ORC6: variants seen among roughly 807,000 people sequenced by gnomAD.
ORC6 encodes the protein origin recognition complex, subunit 6 homolog-like (yeast).
A neutral mutation model predicts 30.0 loss-of-function variants in ORC6; 31 were observed. That is an observed-to-expected ratio of 1.03 (90% CI 0.78 to 1.40). The LOEUF (loss-of-function observed/expected upper bound fraction) is 1.40. Among genes scored for constraint, ORC6 ranks in the 40% most tolerant of loss-of-function variants. ORC6 has a pLI of 0.00. For synonymous variants in ORC6, 136 were observed against 111.2 expected (o/e 1.22, Z -1.40); for missense variants, 340 against 304.3 (o/e 1.12, Z -0.87).
intron 2 of ORC6, among the ~76,000 whole-genome samples, chr16:46,691,958 A>ACACTCT: frequency 1.1e-4 from 4 of 36,664 alleles, no homozygotes; most frequent in Admixed American, 4.0e-4. Context: ...ACACACACAC[A>ACACTCT]CTCTCTCTCT....
chr16:46,696,955 A>T (rs1043990006), intron 6 of ORC6, among the ~76,000 whole-genome samples: 1 of 152,104 alleles, frequency 6.6e-6, no homozygotes, highest in Non-Finnish European at 1.5e-5. Flanking sequence ...ATGCCCAACC[A>T]CTGGCTATGG....
chr16:46,693,411 A>G, intron 4 of ORC6: 1 of 575,328 alleles, frequency 1.7e-6, no homozygotes, highest in Non-Finnish European at 3.1e-6. Flanking sequence ...CTGTATATAT[A>G]TGCTGGGAAT....
intron 1 of ORC6, 118 bp downstream of exon 1, chr16:46,689,888 G>T: frequency 7.0e-7 from 1 of 1,422,392 alleles, no homozygotes; most frequent in Non-Finnish European, 9.2e-7. Flanking sequence ...GAGCGCTGGG[G>T]CCGGGCGGGG....
chr16:46,689,690 C>T lies in ORC6; in HGVS notation c.-16C>T, dbSNP rs778897686. 2 of 1,597,140 alleles carry T rather than the reference C, an allele frequency of 1.3e-6. No individual in the cohort carries two copies. The highest frequency in any genetic ancestry group is 1.3e-5 in the African/African-American group (1 of 74,808). Reference sequence around the variant, plus strand: ...CCGCGGCGTTCACGGGAATTGTTCGCTTTAGTGCCGGCGCCATGGGGTCGG... The same window carrying T: ...CCGCGGCGTTCACGGGAATTGTTCGTTTTAGTGCCGGCGCCATGGGGTCGG... On this transcript the variant is annotated 5_prime_UTR_variant, in exon 1 of 7. Transcript: ENST00000219097.
At chr16:46,697,374 A>T in intron 6 of ORC6, 84 bp from the exon 7 acceptor site, 2 of 1,250,280 alleles carry the variant, frequency 1.6e-6, no homozygotes, top group Non-Finnish European at 2.3e-6. Flanking sequence ...TTTCTATTTT[A>T]GACAATTTAA....
At position 46,697,552 on chromosome 16, in the gene ORC6, T is replaced by C. The variant is rs763001000; in HGVS notation, c.726T>C (p.Asn242=). Residue 242 remains asparagine (N), a synonymous_variant, in exon 7 of 7, where the codon AAT becomes AAC. Coordinates refer to ENST00000219097, the MANE Select transcript of ORC6 (RefSeq NM_014321.4). ...AATGGAAAAGAAAAATTTTGGAAAA[T>C]GCTGCCAGTGCTCAAAAGGCTACAG... is the stretch of plus-strand genomic sequence containing the variant. ...YEEWKRKILE[N]AASAQKATAE is the part of the protein sequence containing the mutation. 4 of 1,613,974 alleles carry C rather than the reference T, an allele frequency of 2.5e-6. No individual in the cohort carries two copies. Among genetic ancestry groups the C allele is most frequent in the Non-Finnish European group, 3.4e-6 (4 of 1,179,972 alleles).
intron 3 of ORC6, among the ~76,000 whole-genome samples, chr16:46,692,889 T>TGG (rs11379295): frequency 1.1e-3 from 172 of 151,582 alleles, no homozygotes; most frequent in East Asian, 7.6e-3. Context: ...GCGGTGGCGG[T>TGG]GGGGGGGACC....
intron 6 of ORC6, 71 bp downstream of exon 6, chr16:46,696,156 T>A (rs781606656): frequency 4.6e-6 from 5 of 1,094,406 alleles, no homozygotes; most frequent in Non-Finnish European, 7.0e-6. Context: ...CTCTAGCAGC[T>A]TGCCTGACAG....
intron 4 of ORC6, chr16:46,693,840 AT>A (rs1966482211): frequency 7.2e-5 from 2 of 27,778 alleles, no homozygotes; most frequent in Admixed American, 3.8e-4. Context: ...CATTTTTTTT[AT>A]TTTTATTTTT....
At chr16:46,696,542 T>A (rs1206802565) in intron 6 of ORC6, among the ~76,000 whole-genome samples, 3 of 152,250 alleles carry the variant, frequency 2.0e-5, no homozygotes, top group Non-Finnish European at 4.4e-5. Context: ...AGTTTGCTTA[T>A]AAGAGCTTTA....
At position 46,693,155 on chromosome 16, in the gene ORC6, C is replaced by T. The variant is rs1426951699; in HGVS notation, c.422C>T (p.Thr141Ile). 1 of 1,612,758 alleles carries T rather than the reference C, an allele frequency of 6.2e-7. No individual in the cohort carries two copies. Among genetic ancestry groups the T allele is most frequent in the South Asian group, 1.1e-5 (1 of 91,064 alleles). ...CTTGACTTATCCAGGCCACTTTTCA[C>T]TTCTGCTGCACTGCTTTCAGCATGC... ...VDLDLSRPLF[T>I]SAALLSACKI... The change falls in exon 4 of 7, where the codon ACT (threonine) becomes ATT (isoleucine). Residue 141 changes from threonine to isoleucine, a missense_variant. By Grantham distance (89) the Thr-to-Ile change is moderately conservative. Coordinates refer to ENST00000219097, the MANE Select transcript of ORC6 (RefSeq NM_014321.4).
At chr16:46,690,615 A>G (rs961368737) in intron 1 of ORC6, among the ~76,000 whole-genome samples, 3 of 152,214 alleles carry the variant, frequency 2.0e-5, no homozygotes, top group African/African-American at 4.8e-5. Context: ...CAAGTCCCCA[A>G]GGTGATTTTC....
chr16:46,697,139 T>C (rs770454311), intron 6 of ORC6, among the ~76,000 whole-genome samples: 1 of 152,176 alleles, frequency 6.6e-6, no homozygotes, highest in Non-Finnish European at 1.5e-5. Context: ...TTAGCTATTA[T>C]TAGATGTCTT....
Position 46,698,037 on chromosome 16 carries a change from C to A in ORC6, c.*452C>A, listed in dbSNP as rs768042955. The A allele has an allele frequency of 7.3e-6, 3 of 409,248 alleles. No homozygotes were observed. Among genetic ancestry groups the A allele is most frequent in the African/African-American group, 2.0e-5 (1 of 48,862 alleles). The allele number at this position is 409,248 out of a possible 1,614,324, so 25.4% of individuals were successfully genotyped here. Reference sequence around the variant, plus strand: ...GGCTGAGACAGGAGCATCACTTGAACGTGGGAGGCAGAGGTTGCAGTGAGC... The same window carrying A: ...GGCTGAGACAGGAGCATCACTTGAAAGTGGGAGGCAGAGGTTGCAGTGAGC... On this transcript the variant is annotated 3_prime_UTR_variant, in exon 7 of 7. Coordinates refer to ENST00000219097, the MANE Select transcript of ORC6 (RefSeq NM_014321.4).
chr16:46,694,493 A>C (rs1414087269), intron 4 of ORC6: 3 of 135,954 alleles, frequency 2.2e-5, no homozygotes, highest in African/African-American at 5.5e-5. Context: ...GGGGGGGCTG[A>C]CCCCCCCCAC....
chr16:46,694,630 G>GGGT (rs1555467675), intron 4 of ORC6: 3 of 150,468 alleles, frequency 2.0e-5, no homozygotes, highest in African/African-American at 7.3e-5. Context: ...CGGCTGGCCG[G>GGGT]GCGGGGGGCT....
chr16:46,689,916 G>A lies in ORC6; in HGVS notation c.65+146G>A. The A allele has an allele frequency of 2.5e-6, 3 of 1,188,812 alleles. No homozygotes were observed. The South Asian group carries it at 4.9e-5, about 20-fold the overall frequency. The allele number at this position is 1,188,812 out of a possible 1,614,324, so 73.6% of individuals were successfully genotyped here. ...GGGCGGGGTTTAGGGCCTACTTCAA[G>A]AAAAACTTCTCGGCCGTGAGCTTGA... On this transcript the variant is annotated intron_variant, in intron 1 of 6. Coordinates refer to ENST00000219097, the MANE Select transcript of ORC6 (RefSeq NM_014321.4).
chr16:46,692,843 G>A (rs1966461990), intron 3 of ORC6, among the ~76,000 whole-genome samples: 1 of 152,042 alleles, frequency 6.6e-6, no homozygotes, highest in African/African-American at 2.4e-5. Flanking sequence ...ACTCCAGCCT[G>A]GATGACAGAG....
chr16:46,689,894 C>G, intron 1 of ORC6, 124 bp downstream of exon 1: 5 of 1,322,874 alleles, frequency 3.8e-6, no homozygotes, highest in Non-Finnish European at 4.9e-6. Flanking sequence ...TGGGGCCGGG[C>G]GGGGTTTAGG....
Sources: gnomAD v4.1 joint callset for allele counts (sites outside exome capture counted in the v4.1 genomes callset) on GRCh38, gnomAD v4.1.1 for gene constraint, MANE v1.5 for transcripts, NCBI Gene and HGNC (gene_info 2026-07-23, HGNC 2026-07-21) for gene names.